The following PRKG1 variants were observed in gnomAD, a reference collection of about 807,000 sequenced individuals.
The protein encoded by PRKG1 is protein kinase cGMP-dependent 1.
In PRKG1, 35 loss-of-function variants were observed where a neutral mutation model predicts 88.1. The ratio of observed to expected loss-of-function variants is 0.40; its 90% CI spans 0.30 to 0.53. PRKG1 has a LOEUF of 0.53. PRKG1 is among the 20% of genes least tolerant of loss of function. PRKG1 has a pLI of 0.59. For synonymous variants in PRKG1, 303 were observed against 292.5 expected (o/e 1.04, Z -0.37); for missense variants, 540 against 839.8 (o/e 0.64, Z 4.41).
At chr10:52,206,852 G>T (rs1839833470) in intron 9 of PRKG1, among the ~76,000 whole-genome samples, 1 of 152,192 alleles carries the variant, frequency 6.6e-6, no homozygotes, top group South Asian at 2.1e-4. Context: ...CAACCAAAGT[G>T]CTTCATCAGA....
intron 5 of PRKG1, among the ~76,000 whole-genome samples, chr10:51,960,757 C>G (rs1489730866): frequency 6.6e-6 from 1 of 152,106 alleles, no homozygotes; most frequent in Non-Finnish European, 1.5e-5. Flanking sequence ...CAGAGATGCT[C>G]AAGCTTGTCA....
At chr10:52,174,567 AAAC>A (rs1292811273) in intron 9 of PRKG1, among the ~76,000 whole-genome samples, 1 of 152,078 alleles carries the variant, frequency 6.6e-6, no homozygotes, top group African/African-American at 2.4e-5. Context: ...AAATTTTAAA[AAAC>A]CAAAGAGATA....
intron 1 of PRKG1, among the ~76,000 whole-genome samples, chr10:51,111,634 G>A (rs1658881641): frequency 6.6e-6 from 1 of 152,170 alleles, no homozygotes; most frequent in Non-Finnish European, 1.5e-5. Flanking sequence ...TTGGGCAATA[G>A]CAGGATGCAG....
intron 4 of PRKG1, among the ~76,000 whole-genome samples, chr10:51,897,545 G>T (rs1252680170): frequency 1.3e-5 from 2 of 152,098 alleles, no homozygotes; most frequent in African/African-American, 4.8e-5. Context: ...ATAATCTTTT[G>T]AAAATATCAA....
chr10:51,688,475 T>C (rs1230053884), intron 3 of PRKG1, among the ~76,000 whole-genome samples: 3 of 151,890 alleles, frequency 2.0e-5, no homozygotes, highest in African/African-American at 7.3e-5. Context: ...AGATAACATT[T>C]CCTCAAGGAT....
intron 2 of PRKG1, among the ~76,000 whole-genome samples, chr10:51,420,397 T>C (rs549304865): frequency 7.9e-5 from 12 of 152,270 alleles, no homozygotes; most frequent in African/African-American, 2.9e-4. Context: ...GATTTCTTAT[T>C]TCTAGCAAAC....
intron 3 of PRKG1, among the ~76,000 whole-genome samples, chr10:51,495,553 G>A (rs1589016484): frequency 6.6e-6 from 1 of 152,306 alleles, no homozygotes; most frequent in Non-Finnish European, 1.5e-5. Context: ...TATGAAAACA[G>A]CAAGTGGATG....
chr10:51,174,240 C>T (rs1447652627), intron 2 of PRKG1, among the ~76,000 whole-genome samples: 3 of 151,760 alleles, frequency 2.0e-5, no homozygotes, highest in African/African-American at 7.3e-5. Context: ...GTTATTTAAC[C>T]TTTATGAACT....
At chr10:51,776,693 G>T (rs1838446111) in intron 3 of PRKG1, among the ~76,000 whole-genome samples, 1 of 151,966 alleles carries the variant, frequency 6.6e-6, no homozygotes, top group Admixed American at 6.6e-5. Flanking sequence ...GGTGTGGTGG[G>T]ACACACCTGT....
chr10:51,102,369 T>C (rs568646065), intron 1 of PRKG1, among the ~76,000 whole-genome samples: 57 of 152,166 alleles, frequency 3.7e-4, no homozygotes, highest in African/African-American at 1.3e-3. Flanking sequence ...ACCACAGTAG[T>C]TTCTTCTCCA....
intron 2 of PRKG1, among the ~76,000 whole-genome samples, chr10:51,300,706 GTTC>G (rs1208742950): frequency 6.6e-6 from 1 of 152,160 alleles, no homozygotes; most frequent in Non-Finnish European, 1.5e-5. Context: ...ACAAAACAAT[GTTC>G]TTCTTGTTCC....
At chr10:51,432,799 C>G (rs543614882) in intron 2 of PRKG1, among the ~76,000 whole-genome samples, 1 of 152,130 alleles carries the variant, frequency 6.6e-6, no homozygotes, top group Non-Finnish European at 1.5e-5. Context: ...GTCTACTTCC[C>G]CTATTTCTAA....
intron 3 of PRKG1, among the ~76,000 whole-genome samples, chr10:51,773,108 G>A (rs1838347293): frequency 6.6e-6 from 1 of 152,018 alleles, no homozygotes; most frequent in African/African-American, 2.4e-5. Flanking sequence ...TACAATTCCA[G>A]CTTGGCATAG....
chr10:51,161,041 G>A lies in PRKG1; in HGVS notation c.478+7711G>A, dbSNP rs771766094. On this transcript the variant is annotated intron_variant, in intron 2 of 17. Coordinates refer to ENST00000373980, the MANE Select transcript of PRKG1 (RefSeq NM_006258.4). ...GAGGCTTGAAAAGCCATACATTTTT[G>A]CTTTTCTTTTTTCAATATATTTTAA... Among the ~76,000 whole-genome samples, 15 of 152,094 alleles carry A rather than the reference G, an allele frequency of 9.9e-5. No homozygotes were observed. In the South Asian group the frequency reaches 1.2e-3, roughly 13 times the overall value.
At chr10:52,211,831 C>T (rs1254479418) in intron 9 of PRKG1, among the ~76,000 whole-genome samples, 5 of 151,372 alleles carry the variant, frequency 3.3e-5, no homozygotes, top group African/African-American at 7.3e-5. Context: ...TGATCTGTGG[C>T]AATTCTACCC....
At chr10:51,976,671 T>C (rs1201306324) in intron 5 of PRKG1, among the ~76,000 whole-genome samples, 2 of 151,972 alleles carry the variant, frequency 1.3e-5, no homozygotes. Flanking sequence ...AAAAAATTCT[T>C]AAGTTAGATT....
chr10:51,330,325 A>G (rs1041198070), intron 2 of PRKG1, among the ~76,000 whole-genome samples: 2 of 151,050 alleles, frequency 1.3e-5, no homozygotes, highest in Non-Finnish European at 3.0e-5. Context: ...TAATTTTTGT[A>G]TTTTTAGTAG....
At chr10:52,188,447 C>T (rs1240136908) in intron 9 of PRKG1, among the ~76,000 whole-genome samples, 1 of 150,796 alleles carries the variant, frequency 6.6e-6, no homozygotes, top group East Asian at 1.9e-4. Context: ...TATCTGAGGC[C>T]AAGTGATCCT....
rs566478175 is a variant in PRKG1, at chr10:52,098,202, T to A, written c.935+35571T>A. On this transcript the variant is annotated intron_variant, in intron 7 of 17. Coordinates refer to ENST00000373980, the MANE Select transcript of PRKG1 (RefSeq NM_006258.4). ...AAGAAGATACCACAAATGTTTTTTA[T>A]TATGATAATTTTCATTTCACAAAAA... is the stretch of plus-strand genomic sequence containing the variant. 1.1e-4 allele frequency among the ~76,000 whole-genome samples: 16 copies of A among 152,310 alleles called. No individual in the cohort carries two copies. The South Asian group carries it at 3.1e-3, about 30-fold the overall frequency.
Sources: gnomAD v4.1 joint callset for allele counts (sites outside exome capture counted in the v4.1 genomes callset) on GRCh38, gnomAD v4.1.1 for gene constraint, MANE v1.5 for transcripts, NCBI Gene and HGNC (gene_info 2026-07-23, HGNC 2026-07-21) for gene names.